Variants in PLEKHA7 observed in about 807,000 individuals in gnomAD.
The protein encoded by PLEKHA7 is pleckstrin homology domain-containing family A member 7.
PLEKHA7 carries 104 observed loss-of-function variants against 170.0 expected under a neutral mutation model. The ratio of observed to expected loss-of-function variants is 0.61; its 90% CI spans 0.52 to 0.72. PLEKHA7 has a LOEUF of 0.72. Among genes scored for constraint, PLEKHA7 ranks in the 30% least tolerant of loss-of-function variants. PLEKHA7 has a pLI of 0.00. For synonymous variants in PLEKHA7, 648 were observed against 660.8 expected (o/e 0.98, Z 0.30); for missense variants, 1,615 against 1,671.7 (o/e 0.97, Z 0.59).
intron 4 of PLEKHA7, among the ~76,000 whole-genome samples, chr11:16,860,591 C>A (rs1853865455): frequency 6.6e-6 from 1 of 152,176 alleles, no homozygotes; most frequent in Admixed American, 6.5e-5. Context: ...TCTCACTTAA[C>A]CCTGCCAAGT....
At chr11:16,938,284 C>G (rs1048464152) in intron 3 of PLEKHA7, among the ~76,000 whole-genome samples, 10 of 152,028 alleles carry the variant, frequency 6.6e-5, no homozygotes, top group Non-Finnish European at 1.3e-4. Flanking sequence ...GGGAAAGACA[C>G]GTGGCTTCGT....
At chr11:16,841,373 A>G in intron 9 of PLEKHA7, among the ~76,000 whole-genome samples, 174 bp downstream of exon 9, 1 of 152,254 alleles carries the variant, frequency 6.6e-6, no homozygotes, top group East Asian at 1.9e-4. Flanking sequence ...GATCCCAGGG[A>G]GTCATTTCAC....
intron 3 of PLEKHA7, among the ~76,000 whole-genome samples, chr11:16,977,215 T>C (rs1863122504): frequency 2.0e-5 from 3 of 152,166 alleles, no homozygotes; most frequent in Non-Finnish European, 4.4e-5. Context: ...TTCAAAAGCT[T>C]ACGACAGCTC....
rs746468316 is a variant in PLEKHA7 at position 16,841,556 on chromosome 11, G to A, written c.863C>T (p.Ser288Leu). The A allele has an allele frequency of 1.5e-5, 24 of 1,613,368 alleles. 1 individual carries two copies. The South Asian group carries it at 2.6e-4, about 18-fold the overall frequency. ...NQAAQVLSRS[S>L]LKRDMEKVER... Reference sequence around the variant, plus strand: ...CTCCATCAGAACTAACCTCTTCAGTGACGATCGAGACAGCACCTGTGCAGC... The same window carrying A: ...CTCCATCAGAACTAACCTCTTCAGTAACGATCGAGACAGCACCTGTGCAGC... The change falls in exon 9 of 27, where the codon TCA becomes TTA. Residue 288 changes from serine (S) to leucine (L), a missense_variant. Coordinates refer to ENST00000531066, the MANE Select transcript of PLEKHA7 (RefSeq NM_001329630.2).
rs1848078830 is a variant in PLEKHA7, at chr11:16,794,534, T to C, written c.2699A>G (p.Lys900Arg). 1.2e-6 allele frequency: 2 copies of C among 1,613,990 alleles called. No homozygotes were observed. The highest frequency in any genetic ancestry group is 8.5e-7 in the Non-Finnish European group (1 of 1,179,998). ...PYRPHPPQLR[K>R]VTSPLQSPTK... ...TGGTGACTGAAGGGGGGATGTCACTTTCCTCAGCTGGGGTGGGTGAGGTCG... is the reference window on the plus strand; with the variant it reads ...TGGTGACTGAAGGGGGGATGTCACTCTCCTCAGCTGGGGTGGGTGAGGTCG... The change falls in exon 19 of 27, where the codon AAA becomes AGA. Residue 900 changes from lysine (K) to arginine (R), a missense_variant. Transcript: ENST00000531066.
intron 3 of PLEKHA7, among the ~76,000 whole-genome samples, chr11:17,011,325 T>C (rs559337457): frequency 6.6e-6 from 1 of 152,232 alleles, no homozygotes; most frequent in East Asian, 1.9e-4. Flanking sequence ...CCCCGTCTCT[T>C]TACTGCAGCA....
chr11:16,987,609 A>T (rs1429956896), intron 3 of PLEKHA7, among the ~76,000 whole-genome samples: 1 of 152,190 alleles, frequency 6.6e-6, no homozygotes, highest in African/African-American at 2.4e-5. Context: ...AAGGGAATGT[A>T]AAACAGCCTC....
chr11:16,985,240 C>A (rs536100831), intron 3 of PLEKHA7, among the ~76,000 whole-genome samples: 1 of 152,346 alleles, frequency 6.6e-6, no homozygotes, highest in South Asian at 2.1e-4. Context: ...CACTCCTAGG[C>A]ACCTAGTTGT....
At chr11:16,981,171 G>A (rs1863404840) in intron 3 of PLEKHA7, among the ~76,000 whole-genome samples, 1 of 152,276 alleles carries the variant, frequency 6.6e-6, no homozygotes, top group African/African-American at 2.4e-5. Flanking sequence ...ATGGAATATC[G>A]ATGACCAGGA....
rs77525146 is a variant in PLEKHA7 at position 16,789,052 on chromosome 11, C to T, written c.3357+44G>A. On this transcript the variant is annotated intron_variant, in intron 23 of 26. Transcript: ENST00000531066. This position sits in a 1 kb window ranked among gnomAD's most constrained non-coding sequence, Gnocchi z 4.6. ...TGTTTGGGGGACTCTGAGGGGCACT[C>T]GGCTCCCTGTCCCTGCCCCGCTGCC... The T allele has an allele frequency of 0.11, 178,912 of 1,575,238 alleles. 10,995 individuals are homozygous for T. Among genetic ancestry groups the T allele is most frequent in the Non-Finnish European group, 0.13 (146,050 of 1,167,876 alleles).
At chr11:17,006,830 TCA>T in intron 3 of PLEKHA7, among the ~76,000 whole-genome samples, 1 of 152,272 alleles carries the variant, frequency 6.6e-6, no homozygotes, top group Middle Eastern at 3.4e-3. Flanking sequence ...TGTCCAGTAT[TCA>T]CTGGCTTTCC....
intron 13 of PLEKHA7, among the ~76,000 whole-genome samples, chr11:16,812,163 G>T (rs913936375): frequency 2.6e-5 from 4 of 152,228 alleles, no homozygotes; most frequent in African/African-American, 9.6e-5. Flanking sequence ...CACAGCAAGT[G>T]TTCAACAGAC....
chr11:16,794,745 G>A (rs777707955), intron 18 of PLEKHA7, 31 bp from the exon 19 acceptor site: 38 of 1,604,196 alleles, frequency 2.4e-5, no homozygotes, highest in East Asian at 4.5e-5. Context: ...CAAAGCACGG[G>A]ATGGAACAAA....
At chr11:16,822,391 A>C (rs1327104858) in intron 10 of PLEKHA7, among the ~76,000 whole-genome samples, 2 of 151,656 alleles carry the variant, frequency 1.3e-5, no homozygotes, top group African/African-American at 2.4e-5. Flanking sequence ...AGCTCAGTGG[A>C]AAAAGGGTTT....
intron 7 of PLEKHA7, 42 bp from the exon 8 acceptor site, chr11:16,851,333 T>C (rs369960056): frequency 3.6e-5 from 53 of 1,490,008 alleles, no homozygotes; most frequent in Non-Finnish European, 4.6e-5. Context: ...TCTGGGCAGT[T>C]TCCCTGGGCT....
Position 16,803,044 on chromosome 11 carries a change from C to G in PLEKHA7, c.2085G>C (p.Leu695=). Residue 695 remains leucine (L), a synonymous_variant, in exon 15 of 27, where the codon CTG becomes CTC. Coordinates refer to ENST00000531066, the MANE Select transcript of PLEKHA7 (RefSeq NM_001329630.2). ...KIAESDTDVK[L]SIFCEQDRVL... The stretch of plus-strand genomic sequence containing the variant: ...CCCTGTCTTGTTCACAGAAGATGCT[C>G]AGTTTGACCTAAAAGCAAGAACAGG... The G allele has an allele frequency of 6.2e-7, 1 of 1,614,128 alleles. No individual in the cohort carries two copies. The highest frequency in any genetic ancestry group is 1.1e-5 in the South Asian group (1 of 91,076).
intron 4 of PLEKHA7, among the ~76,000 whole-genome samples, chr11:16,856,194 CA>C (rs1565022516): frequency 6.6e-6 from 1 of 152,214 alleles, no homozygotes; most frequent in Non-Finnish European, 1.5e-5. Context: ...GAAGTCCCCA[CA>C]CTCACTCTCT....
chr11:16,816,926 C>T lies in PLEKHA7; in HGVS notation c.1740G>A (p.Arg580=), dbSNP rs771401209. 6.2e-7 allele frequency: 1 copy of T among 1,613,606 alleles called. No homozygotes were observed. The highest frequency in any genetic ancestry group is 1.1e-5 in the South Asian group (1 of 91,014). The change falls in exon 11 of 27, where the codon AGG becomes AGA. Residue 580 remains arginine (R), a synonymous_variant. Coordinates refer to ENST00000531066, the MANE Select transcript of PLEKHA7 (RefSeq NM_001329630.2). ...TGTGTGGCCGCCGGGGTGGGAAGAC[C>T]CTTGGGGGTCCTGGGGGAGGGATGT... ...PSDIPPPGPP[R]VFPPRRPHTP...
chr11:16,876,612 C>T (rs1172582078), intron 3 of PLEKHA7, among the ~76,000 whole-genome samples: 3 of 152,094 alleles, frequency 2.0e-5, no homozygotes, highest in Non-Finnish European at 4.4e-5. Context: ...GGGTTAAGCC[C>T]TAAAGAAGTC....
Sources: gnomAD v4.1 joint callset for allele counts (sites outside exome capture counted in the v4.1 genomes callset) on GRCh38, gnomAD v4.1.1 for gene constraint, Gnocchi (gnomAD v3.1) non-coding constraint, MANE v1.5 for transcripts, NCBI Gene and HGNC (gene_info 2026-07-23, HGNC 2026-07-21) for gene names.